Variants in DNAH1 observed in about 807,000 individuals in gnomAD.
DNAH1 encodes axonemal beta dynein heavy chain 1.
A neutral mutation model predicts 484.3 loss-of-function variants in DNAH1; 327 were observed. That is an observed-to-expected ratio of 0.68 (90% CI 0.62 to 0.74). The LOEUF (loss-of-function observed/expected upper bound fraction) is 0.74. Ranked by LOEUF, DNAH1 falls within the 30% of genes least tolerant of loss-of-function variation. DNAH1 has a pLI of 0.00. For synonymous variants in DNAH1, 2,192 were observed against 2,191.9 expected (o/e 1.00, Z 0.00); for missense variants, 5,052 against 5,546.8 (o/e 0.91, Z 2.83).
chr3:52,390,984 A>G lies in DNAH1; in HGVS notation c.9671A>G (p.Asn3224Ser), dbSNP rs201309675. 91 of 1,553,178 alleles carry G rather than the reference A, an allele frequency of 5.9e-5. No homozygotes were observed. The African/African-American group carries it at 1.2e-3, about 20-fold the overall frequency. The change falls in exon 61 of 78, where the codon AAC becomes AGC. Residue 3224 changes from asparagine to serine, a missense_variant. Physicochemically the swap from Asn to Ser is conservative, Grantham distance 46. Coordinates refer to ENST00000420323, the MANE Select transcript of DNAH1 (RefSeq NM_015512.5). Reference protein sequence around the residue: ...DTLSVENGVINQFSQRWTHFI... With the variant: ...DTLSVENGVISQFSQRWTHFI... The stretch of plus-strand genomic sequence containing the variant: ...CTGTCAGTGGAGAACGGGGTCATCA[A>G]CCAGTTTTCCCAGCGCTGGACCCAC...
chr3:52,383,735 C>A, intron 51 of DNAH1, 125 bp from the exon 52 acceptor site: 2 of 1,404,900 alleles, frequency 1.4e-6, no homozygotes, highest in Non-Finnish European at 1.9e-6. Flanking sequence ...TGCCATTGGG[C>A]CCAGGCTGCT....
chr3:52,388,365 G>A (rs878939116), intron 57 of DNAH1, 31 bp downstream of exon 57: 1 of 1,599,542 alleles, frequency 6.3e-7, no homozygotes, highest in Non-Finnish European at 8.5e-7. Flanking sequence ...GTGGGGGAGG[G>A]CTCCCCTCCC....
Position 52,361,213 on chromosome 3 carries a change from C to T in DNAH1, c.4735C>T (p.Pro1579Ser). 6.2e-7 allele frequency: 1 copy of T among 1,612,422 alleles called. No individual in the cohort carries two copies. Among genetic ancestry groups the T allele is most frequent in the Non-Finnish European group, 8.5e-7 (1 of 1,179,460 alleles). ...TCTGCACCTCAAGTTTGGGGGTGCC[C>T]CAGCTGGCCCAGCTGGCACAGGCAA... ...GALHLKFGGA[P>S]AGPAGTGKTE... Residue 1579 changes from proline (P) to serine (S), a missense_variant, in exon 29 of 78, where the codon CCA (proline) becomes TCA (serine). Physicochemically the swap from Pro to Ser is moderately conservative, Grantham distance 74 (BLOSUM62 -1). Transcript: ENST00000420323. The surrounding 1 kb of genome is among the most constrained non-coding windows in gnomAD (Gnocchi z 5.6).
rs562081735 is a variant in DNAH1, at chr3:52,324,862, G to A, written c.406+982G>A. ...CACATGAGAAAAAGCAGCCCCCAGCGGCACAGGGTAGTGTCAATCAGGGCT... is the reference window on the plus strand; with the variant it reads ...CACATGAGAAAAAGCAGCCCCCAGCAGCACAGGGTAGTGTCAATCAGGGCT... On this transcript the variant is annotated intron_variant, in intron 3 of 77. Transcript: ENST00000420323. 3.9e-5 allele frequency among the ~76,000 whole-genome samples: 6 copies of A among 152,244 alleles called. No individual in the cohort carries two copies. The South Asian group carries it at 1.0e-3, about 26-fold the overall frequency.
At chr3:52,367,306 T>G (rs1463864296) in intron 36 of DNAH1, among the ~76,000 whole-genome samples, 1 of 152,134 alleles carries the variant, frequency 6.6e-6, no homozygotes, top group Non-Finnish European at 1.5e-5. Flanking sequence ...CAGGGGCTTT[T>G]CTCTAAGGCT....
chr3:52,350,286 TG>T (rs937303975), intron 15 of DNAH1, among the ~76,000 whole-genome samples, 178 bp downstream of exon 15: 1 of 145,992 alleles, frequency 6.8e-6, no homozygotes, highest in African/African-American at 2.6e-5. Context: ...CTCTGCTGTC[TG>T]GGGGTAGGGG....
At position 52,393,067 on chromosome 3, in the gene DNAH1, C is replaced by A. The variant is rs547670875; in HGVS notation, c.10474+42C>A. ...AGGCTCCTACCCTGCACAGATATGA[C>A]CCATGTGGACACATTTCCACTGTGG... On this transcript the variant is annotated intron_variant, in intron 65 of 77. Coordinates refer to ENST00000420323, the MANE Select transcript of DNAH1 (RefSeq NM_015512.5). 2.3e-4 allele frequency: 367 copies of A among 1,591,740 alleles called. 4 individuals carry two copies. In the South Asian group the frequency reaches 3.3e-3, roughly 14 times the overall value.
At chr3:52,321,901 G>A (rs190677621) in intron 1 of DNAH1, among the ~76,000 whole-genome samples, 62 of 152,266 alleles carry the variant, frequency 4.1e-4, no homozygotes, top group African/African-American at 1.2e-3. Context: ...ATGGTCCAGC[G>A]CTCACAGGTG....
In DNAH1 at chr3:52,322,774, G is replaced by A. The variant is rs1382070410; in HGVS notation, c.332G>A (p.Gly111Glu). Residue 111 changes from glycine to glutamate, a missense_variant and splice_region_variant, in exon 2 of 78, where the codon GGG (glycine) becomes GAG (glutamate). Physicochemically the swap from Gly to Glu is moderately conservative, Grantham distance 98. Around this residue, in one of 4 missense-constraint regions of DNAH1, gnomAD observed 1,263 missense variants for 1,218.8 expected, o/e 1.04. Transcript: ENST00000420323. Reference protein sequence around the residue: ...ILSPGTLDQLGEVCRGPRMSQ... With the variant: ...ILSPGTLDQLEEVCRGPRMSQ... ...AGCCCTGGAACCTTAGATCAACTTG[G>A]GGTGAGTATGGCAGCCATCCCCTAC... 6.3e-7 allele frequency: 1 copy of A among 1,595,052 alleles called. No homozygotes were observed. The highest frequency in any genetic ancestry group is 1.3e-5 in the African/African-American group (1 of 74,484).
At position 52,358,329 on chromosome 3, in the gene DNAH1, C is replaced by T. The variant is rs1381498009; in HGVS notation, c.4087-229C>T. Reference sequence around the variant, plus strand: ...CATGCAAGGCAGTCAGCCTCCTTCCCTAAAGCCTGCTTCATGCCGGGCCTG... The same window carrying T: ...CATGCAAGGCAGTCAGCCTCCTTCCTTAAAGCCTGCTTCATGCCGGGCCTG... On this transcript the variant is annotated intron_variant, in intron 24 of 77. Coordinates refer to ENST00000420323, the MANE Select transcript of DNAH1 (RefSeq NM_015512.5). The surrounding 1 kb of genome is among the most constrained non-coding windows in gnomAD (Gnocchi z 4.2). Among the ~76,000 whole-genome samples the T allele has an allele frequency of 6.6e-6, 1 of 152,204 alleles. No individual in the cohort carries two copies. The highest frequency in any genetic ancestry group is 1.9e-4 in the East Asian group (1 of 5,176).
chr3:52,324,032 C>T (rs1394509717), intron 3 of DNAH1, among the ~76,000 whole-genome samples, 152 bp downstream of exon 3: 1 of 152,136 alleles, frequency 6.6e-6, no homozygotes, highest in Non-Finnish European at 1.5e-5. Flanking sequence ...TCACAATTAC[C>T]CACTCATGGT....
At chr3:52,349,136 A>G in intron 13 of DNAH1, 55 bp downstream of exon 13, 2 of 1,612,112 alleles carry the variant, frequency 1.2e-6, no homozygotes, top group Non-Finnish European at 1.7e-6. Flanking sequence ...GTGCATGTGT[A>G]TCCCCTGCCC....
rs1306356151 is a variant in DNAH1 at position 52,372,366 on chromosome 3, T to C, written c.6806T>C (p.Ile2269Thr). The change falls in exon 43 of 78, where the codon ATT becomes ACT. Residue 2269 changes from isoleucine (I) to threonine (T), a missense_variant. Around this residue, in one of 4 missense-constraint regions of DNAH1, gnomAD observed 2,929 missense variants for 3,409.4 expected, o/e 0.86. Coordinates refer to ENST00000420323, the MANE Select transcript of DNAH1 (RefSeq NM_015512.5). ...RTSANQTQDF[I>T]DSKLDKRRKG... is the part of the protein sequence containing the mutation. ...TCAGCCAACCAGACCCAGGACTTCA[T>C]TGACAGCAAGCTGGACAAGAGGCAG... is the stretch of plus-strand genomic sequence containing the variant. 1 of 1,613,924 alleles carries C rather than the reference T, an allele frequency of 6.2e-7. No homozygotes were observed. Among genetic ancestry groups the C allele is most frequent in the East Asian group, 2.2e-5 (1 of 44,874 alleles).
At chr3:52,342,213 G>A (rs1701965605) in intron 8 of DNAH1, among the ~76,000 whole-genome samples, 2 of 152,276 alleles carry the variant, frequency 1.3e-5, no homozygotes, top group African/African-American at 4.8e-5. Flanking sequence ...CTGTGGTTGG[G>A]ATGCAGAGAG....
chr3:52,395,491 G>A lies in DNAH1; in HGVS notation c.11127+25G>A. On this transcript the variant is annotated intron_variant, in intron 69 of 77. Transcript: ENST00000420323. The surrounding 1 kb of genome is among the most constrained non-coding windows in gnomAD (Gnocchi z 4.4). Reference sequence around the variant, plus strand: ...GGTCAGGGCTAGGCAGGGAGGAAGGGAGTGGGCTGGGGGGTGGGCAAGCTG... The same window carrying A: ...GGTCAGGGCTAGGCAGGGAGGAAGGAAGTGGGCTGGGGGGTGGGCAAGCTG... 6.2e-7 allele frequency: 1 copy of A among 1,613,676 alleles called. No homozygotes were observed. Among genetic ancestry groups the A allele is most frequent in the East Asian group, 2.2e-5 (1 of 44,876 alleles).
Position 52,347,878 on chromosome 3 carries a change from G to A in DNAH1, c.2010G>A (p.Val670=), listed in dbSNP as rs374276165. The A allele has an allele frequency of 6.9e-6, 11 of 1,605,778 alleles. No homozygotes were observed. Among genetic ancestry groups the A allele is most frequent in the Admixed American group, 6.8e-5 (4 of 58,808 alleles). The change falls in exon 12 of 78, where the codon GTG becomes GTA. Residue 670 remains valine, a synonymous_variant. Coordinates refer to ENST00000420323, the MANE Select transcript of DNAH1 (RefSeq NM_015512.5). ...IMDLVLDSSG[V]HYSTPLEQFE... ...ACCTGGTGCTGGACAGCTCTGGGGTGCACTATAGCACCCCACTGGAGCAGT... is the reference window on the plus strand; with the variant it reads ...ACCTGGTGCTGGACAGCTCTGGGGTACACTATAGCACCCCACTGGAGCAGT...
chr3:52,371,809 G>C, intron 41 of DNAH1, 137 bp from the exon 42 acceptor site: 1 of 1,270,942 alleles, frequency 7.9e-7, no homozygotes, highest in Non-Finnish European at 1.1e-6. Context: ...TCCGCCGGAA[G>C]CAGCCCTGCA....
At chr3:52,394,437 G>A (rs968226009) in intron 66 of DNAH1, 28 bp from the exon 67 acceptor site, 1 of 1,611,218 alleles carries the variant, frequency 6.2e-7, no homozygotes, top group Non-Finnish European at 8.5e-7. Context: ...CAGGGCCTGG[G>A]CATCAGCCTC....
chr3:52,368,819 T>A lies in DNAH1; in HGVS notation c.5844T>A (p.Asp1948Glu). 1 of 1,614,002 alleles carries A rather than the reference T, an allele frequency of 6.2e-7. No individual in the cohort carries two copies. The highest frequency in any genetic ancestry group is 8.5e-7 in the Non-Finnish European group (1 of 1,179,892). Residue 1948 changes from aspartate (D) to glutamate (E), a missense_variant, in exon 37 of 78, where the codon GAT becomes GAA. Coordinates refer to ENST00000420323, the MANE Select transcript of DNAH1 (RefSeq NM_015512.5). The surrounding 1 kb of genome is among the most constrained non-coding windows in gnomAD (Gnocchi z 4.4). ...CCAACAAGAAGTGGTACATGTTCGATGGGCCGGTGGATGCCATCTGGATTG... is the reference window on the plus strand; with the variant it reads ...CCAACAAGAAGTGGTACATGTTCGAAGGGCCGGTGGATGCCATCTGGATTG... ...SDTNKKWYMF[D>E]GPVDAIWIEN... is the part of the protein sequence containing the mutation.
Sources: allele counts gnomAD v4.1 joint callset (sites outside exome capture counted in the v4.1 genomes callset), GRCh38; gene constraint gnomAD v4.1.1; regional missense constraint gnomAD v4.1.1; non-coding constraint Gnocchi (gnomAD v3.1); transcripts MANE v1.5; gene names NCBI Gene and HGNC (gene_info 2026-07-23, HGNC 2026-07-21).